The following TMOD1 variants were observed in gnomAD, a reference collection of about 807,000 sequenced individuals.
TMOD1 encodes tropomodulin-1.
In TMOD1, 17 loss-of-function variants were observed where a neutral mutation model predicts 40.6. The ratio of observed to expected loss-of-function variants is 0.42; its 90% CI spans 0.29 to 0.63. The LOEUF (loss-of-function observed/expected upper bound fraction) is 0.63, where lower values mean the gene tolerates loss of function less well. TMOD1 is among the 20% of genes least tolerant of loss of function. TMOD1 has a pLI of 0.22. For missense variants in TMOD1, 391 were observed against 447.6 expected (o/e 0.87, Z 1.14); for synonymous variants, 181 against 175.0 (o/e 1.03, Z -0.27).
At chr9:97,555,783 C>A in intron 4 of TMOD1, 1 of 1,192,792 alleles carries the variant, frequency 8.4e-7, no homozygotes, top group Non-Finnish European at 1.2e-6. Context: ...TATTACTGTC[C>A]CCATTTTATG....
intron 8 of TMOD1, among the ~76,000 whole-genome samples, chr9:97,579,755 G>T (rs1181759488): frequency 6.6e-6 from 1 of 152,216 alleles, no homozygotes; most frequent in Non-Finnish European, 1.5e-5. Context: ...ATAGAGGCAG[G>T]TGACCCAAGT....
Sources: allele counts gnomAD v4.1 joint callset (sites outside exome capture counted in the v4.1 genomes callset), GRCh38; gene constraint gnomAD v4.1.1; transcripts MANE v1.5; gene names NCBI Gene and HGNC (gene_info 2026-07-23, HGNC 2026-07-21).